NOL4L: variants seen among roughly 807,000 people sequenced by gnomAD.
NOL4L encodes the protein nucleolar protein 4 like.
NOL4L carries 7 observed loss-of-function variants against 64.5 expected under a neutral mutation model. The ratio of observed to expected loss-of-function variants is 0.11; its 90% CI spans 0.06 to 0.20. The LOEUF is 0.20. Among genes scored for constraint, NOL4L ranks in the 10% least tolerant of loss-of-function variants. The pLI, the probability that NOL4L is intolerant of heterozygous loss-of-function variation, is 1.00. For synonymous variants in NOL4L, 413 were observed against 401.0 expected, an observed-to-expected ratio of 1.03 and a Z score of -0.36; for missense variants, 680 against 967.1, an observed-to-expected ratio of 0.70 and a Z score of 3.94.
chr20:32,561,066 C>G (rs978441466), intron 1 of NOL4L: 1 of 152,366 alleles, frequency 6.6e-6, no homozygotes, highest in Non-Finnish European at 1.5e-5. Context: ...CAGGGTATAG[C>G]AGTTGCCTGG....
intron 1 of NOL4L, among the ~76,000 whole-genome samples, chr20:32,538,384 G>A (rs570938484): frequency 3.3e-5 from 5 of 152,130 alleles, no homozygotes; most frequent in African/African-American, 9.6e-5. Context: ...CCCCAGTGGC[G>A]GCGGGTGTCT....
intron 10 of NOL4L, among the ~76,000 whole-genome samples, chr20:32,449,119 C>T (rs963366714): frequency 8.5e-5 from 13 of 152,194 alleles, no homozygotes; most frequent in African/African-American, 2.9e-4. Context: ...ACAAGGTGTT[C>T]GGCAAGAAAC....
At chr20:32,581,878 G>T (rs1980497740) in intron 1 of NOL4L, 1 of 148,920 alleles carries the variant, frequency 6.7e-6, no homozygotes, top group Admixed American at 6.6e-5. Flanking sequence ...GACACCAGGG[G>T]TGAGGGGGTG....
intron 5 of NOL4L, among the ~76,000 whole-genome samples, chr20:32,457,855 G>A (rs2013700942): frequency 6.6e-6 from 1 of 152,196 alleles, no homozygotes; most frequent in Admixed American, 6.5e-5. Flanking sequence ...GCTGTCCCCG[G>A]GACCCCACAG....
chr20:32,509,151 C>T (rs2017268743), intron 4 of NOL4L, among the ~76,000 whole-genome samples: 1 of 152,164 alleles, frequency 6.6e-6, no homozygotes, highest in Non-Finnish European at 1.5e-5. Flanking sequence ...CCCCACTGAT[C>T]ACTTCCTCCA....
chr20:32,488,828 T>C (rs1418526533), intron 4 of NOL4L, among the ~76,000 whole-genome samples: 4 of 7,600 alleles, frequency 5.3e-4, no homozygotes, highest in African/African-American at 8.6e-4. Context: ...TTTCTTTCTT[T>C]TTCTTTCTTT....
At chr20:32,503,850 T>C (rs928156174) in intron 4 of NOL4L, among the ~76,000 whole-genome samples, 3 of 152,196 alleles carry the variant, frequency 2.0e-5, no homozygotes, top group Non-Finnish European at 4.4e-5. Context: ...ATGCTTTTTT[T>C]TTGCCTTGAA....
chr20:32,523,756 G>A (rs560024580), intron 2 of NOL4L, among the ~76,000 whole-genome samples: 2 of 152,206 alleles, frequency 1.3e-5, no homozygotes, highest in East Asian at 1.9e-4. Context: ...TTGCTCCCCG[G>A]GCCTCCTGCC....
In NOL4L at chr20:32,474,846, C is replaced by A. The variant is rs2015279881; in HGVS notation, c.700-104G>T. 2.1e-6 allele frequency: 3 copies of A among 1,450,660 alleles called. No individual in the cohort carries two copies. The East Asian group carries it at 7.7e-5, about 37-fold the overall frequency. 89.9% of individuals were successfully genotyped at this position (1,450,660 alleles called of 1,614,324 possible). Reference sequence around the variant, plus strand: ...AGGGCCAGTGGGCGTTTGGGAGTGCCCTGAAGGCGGCAGGAGCCCTCAAAC... The same window carrying A: ...AGGGCCAGTGGGCGTTTGGGAGTGCACTGAAGGCGGCAGGAGCCCTCAAAC... On this transcript the variant is annotated intron_variant, in intron 4 of 10. Coordinates refer to ENST00000621426, the MANE Select transcript of NOL4L (RefSeq NM_001256798.2).
rs145223889 is a variant in NOL4L at position 32,473,441 on chromosome 20, G to A, written c.841+1160C>T. On this transcript the variant is annotated intron_variant, in intron 5 of 10. Coordinates refer to ENST00000621426, the MANE Select transcript of NOL4L (RefSeq NM_001256798.2). The stretch of plus-strand genomic sequence containing the variant: ...GCTGGCAGCACGAGGGGGTCGCACC[G>A]ACCTCACGAGGCATCAAGCACAAAA... Among the ~76,000 whole-genome samples the A allele has an allele frequency of 4.7e-3, 720 of 152,260 alleles. 1 individual carries two copies. Among genetic ancestry groups the A allele is most frequent in the Non-Finnish European group, 6.6e-3 (447 of 68,012 alleles).
At chr20:32,487,142 C>A (rs2145507379) in intron 4 of NOL4L, among the ~76,000 whole-genome samples, 1 of 152,150 alleles carries the variant, frequency 6.6e-6, no homozygotes, top group East Asian at 1.9e-4. Context: ...GTGGCACACA[C>A]CTGTAATCCC....
intron 1 of NOL4L, among the ~76,000 whole-genome samples, chr20:32,539,611 C>T (rs2018617685): frequency 6.6e-6 from 1 of 152,224 alleles, no homozygotes; most frequent in Non-Finnish European, 1.5e-5. Flanking sequence ...CTCCTCTTCT[C>T]TTTGTTCTTC....
intron 4 of NOL4L, among the ~76,000 whole-genome samples, chr20:32,505,624 G>A (rs1453110421): frequency 6.6e-6 from 1 of 152,204 alleles, no homozygotes; most frequent in Non-Finnish European, 1.5e-5. Flanking sequence ...GGAGGCTGAG[G>A]TGGGCAGATT....
At chr20:32,486,672 T>C (rs1240536779) in intron 4 of NOL4L, 2 of 466,448 alleles carry the variant, frequency 4.3e-6, no homozygotes, top group African/African-American at 2.0e-5. Flanking sequence ...AAATGACTTA[T>C]TAATGACAGA....
At chr20:32,465,672 G>A (rs1008995440) in intron 5 of NOL4L, among the ~76,000 whole-genome samples, 2 of 152,264 alleles carry the variant, frequency 1.3e-5, no homozygotes, top group South Asian at 4.1e-4. Flanking sequence ...ATGATTCACG[G>A]GGCAGGGCCC....
At chr20:32,499,039 C>T (rs2016811935) in intron 4 of NOL4L, among the ~76,000 whole-genome samples, 1 of 152,010 alleles carries the variant, frequency 6.6e-6, no homozygotes, top group South Asian at 2.1e-4. Flanking sequence ...GCCACCACGC[C>T]AGCTAATTTT....
chr20:32,574,712 C>T (rs949781729), intron 1 of NOL4L, among the ~76,000 whole-genome samples: 10 of 152,116 alleles, frequency 6.6e-5, no homozygotes, highest in Non-Finnish European at 5.9e-5. Context: ...GGGTCCCAGC[C>T]GGGAGGGGAG....
At chr20:32,471,262 G>A (rs980108619) in intron 5 of NOL4L, among the ~76,000 whole-genome samples, 9 of 150,338 alleles carry the variant, frequency 6.0e-5, no homozygotes, top group Non-Finnish European at 8.9e-5. Flanking sequence ...GCATGCTCCC[G>A]GGGAGTGAGA....
chr20:32,516,581 G>A (rs1483014804), intron 3 of NOL4L, among the ~76,000 whole-genome samples: 3 of 152,190 alleles, frequency 2.0e-5, no homozygotes, highest in Non-Finnish European at 4.4e-5. Context: ...CCTGCTTAGG[G>A]CTCCACACAC....
Sources: gnomAD v4.1 joint callset for allele counts (sites outside exome capture counted in the v4.1 genomes callset) on GRCh38, gnomAD v4.1.1 for gene constraint, MANE v1.5 for transcripts, NCBI Gene and HGNC (gene_info 2026-07-23, HGNC 2026-07-21) for gene names.